The following CAMKMT variants were observed in gnomAD, a reference collection of about 807,000 sequenced individuals.
CAMKMT encodes CaM KMT.
CAMKMT carries 53 observed loss-of-function variants against 48.0 expected under a neutral mutation model. That is an observed-to-expected ratio of 1.10 (90% confidence interval 0.89 to 1.39). The LOEUF is 1.39. Ranked by LOEUF, CAMKMT falls within the 40% of genes most tolerant of loss-of-function variation. The pLI is 0.00. For synonymous variants in CAMKMT, 165 were observed against 152.3 expected (o/e 1.08, Z -0.61); for missense variants, 428 against 402.7 (o/e 1.06, Z -0.54).
intron 2 of CAMKMT, among the ~76,000 whole-genome samples, chr2:44,389,339 G>T (rs1681093394): frequency 6.6e-6 from 1 of 152,118 alleles, no homozygotes; most frequent in African/African-American, 2.4e-5. Flanking sequence ...AGGTACCAGG[G>T]TTAGGGCTTC....
At chr2:44,549,660 C>T in intron 3 of CAMKMT, 1 of 590,766 alleles carries the variant, frequency 1.7e-6, no homozygotes, top group Non-Finnish European at 3.0e-6. Context: ...CACTTCGTGG[C>T]AGAAGATTAT....
intron 3 of CAMKMT, among the ~76,000 whole-genome samples, chr2:44,624,723 C>T (rs966412847): frequency 1.3e-5 from 2 of 152,100 alleles, no homozygotes; most frequent in African/African-American, 4.8e-5. Context: ...TCCAGTCTAT[C>T]ATTGTTGGAC....
At chr2:44,755,577 T>C (rs556145966) in intron 9 of CAMKMT, among the ~76,000 whole-genome samples, 1 of 152,250 alleles carries the variant, frequency 6.6e-6, no homozygotes, top group Admixed American at 6.5e-5. Context: ...TTGTGGCAAA[T>C]ACTCCATTTT....
chr2:44,530,877 A>G (rs1666448006), intron 3 of CAMKMT, among the ~76,000 whole-genome samples: 1 of 152,096 alleles, frequency 6.6e-6, no homozygotes, highest in South Asian at 2.1e-4. Context: ...TAATATTTTT[A>G]AATCTAGAGG....
At chr2:44,623,069 T>C (rs1238297645) in intron 3 of CAMKMT, among the ~76,000 whole-genome samples, 1 of 152,226 alleles carries the variant, frequency 6.6e-6, no homozygotes, top group Non-Finnish European at 1.5e-5. Flanking sequence ...TTTGCATTTC[T>C]CTGATGATTT....
At chr2:44,579,475 A>C (rs1023335839) in intron 3 of CAMKMT, among the ~76,000 whole-genome samples, 3 of 152,232 alleles carry the variant, frequency 2.0e-5, no homozygotes, top group Admixed American at 6.5e-5. Context: ...AAGCATTTTA[A>C]TGTACATCAC....
chr2:44,417,634 C>T (rs1683649192), intron 3 of CAMKMT, among the ~76,000 whole-genome samples: 1 of 152,128 alleles, frequency 6.6e-6, no homozygotes, highest in African/African-American at 2.4e-5. Flanking sequence ...TATTACCAAA[C>T]TGTTTTCCCA....
intron 7 of CAMKMT, among the ~76,000 whole-genome samples, chr2:44,731,596 G>T (rs1468785884): frequency 6.6e-6 from 1 of 152,134 alleles, no homozygotes; most frequent in East Asian, 1.9e-4. Context: ...GCATCACAAG[G>T]TAAAAATCCT....
At chr2:44,661,855 T>C (rs1469983762) in intron 3 of CAMKMT, among the ~76,000 whole-genome samples, 2 of 152,146 alleles carry the variant, frequency 1.3e-5, no homozygotes, top group African/African-American at 2.4e-5. Context: ...GGTGGTAAAA[T>C]AGACAAGGTC....
Position 44,693,892 on chromosome 2 carries a change from G to A in CAMKMT, c.377-10391G>A, listed in dbSNP as rs536401811. 9.9e-4 allele frequency among the ~76,000 whole-genome samples: 151 copies of A among 152,292 alleles called. 1 individual carries two copies. The highest frequency in any genetic ancestry group is 1.2e-3 in the Admixed American group (19 of 15,296). ...CACTTGAGTCTCAGATTTGAGAGAG[G>A]CCTTTTTTTACTGACTCCTGTGTGA... On this transcript the variant is annotated intron_variant, in intron 3 of 10. Coordinates refer to ENST00000378494, the MANE Select transcript of CAMKMT (RefSeq NM_024766.5).
rs557527920 is a variant in CAMKMT, at chr2:44,759,022, A to C, written c.762+4904A>C. On this transcript the variant is annotated intron_variant, in intron 9 of 10. Coordinates refer to ENST00000378494, the MANE Select transcript of CAMKMT (RefSeq NM_024766.5). ...AGAAATATCACTGTGGAATTCACTT[A>C]ACCTTCTTCAGAAATTGGCCCTACC... 2.5e-4 allele frequency among the ~76,000 whole-genome samples: 38 copies of C among 152,164 alleles called. No individual in the cohort carries two copies. In the South Asian group the frequency reaches 7.7e-3, roughly 31 times the overall value.
Position 44,405,336 on chromosome 2 carries a change from G to A in CAMKMT, c.376+15031G>A, listed in dbSNP as rs956354668. Among the ~76,000 whole-genome samples the A allele has an allele frequency of 5.3e-5, 8 of 152,150 alleles. No individual in the cohort carries two copies. In the South Asian group the frequency reaches 8.3e-4, roughly 16 times the overall value. ...TAATGGAATTGTTGGATAAATTATA[G>A]TGTGTCCATACAATATTATATAGCA... On this transcript the variant is annotated intron_variant, in intron 3 of 10. Coordinates refer to ENST00000378494, the MANE Select transcript of CAMKMT (RefSeq NM_024766.5).
Position 44,438,333 on chromosome 2 carries a change from GT to G in CAMKMT, c.376+48030del, listed in dbSNP as rs1054830713. 6.6e-4 allele frequency among the ~76,000 whole-genome samples: 101 copies of G among 152,100 alleles called. 1 individual carries two copies. The highest frequency in any genetic ancestry group is 2.4e-3 in the African/African-American group (99 of 41,436). On this transcript the variant is annotated intron_variant, in intron 3 of 10. Coordinates refer to ENST00000378494, the MANE Select transcript of CAMKMT (RefSeq NM_024766.5). Reference sequence around the variant, plus strand: ...ATTATTCATTACATTAAATTGATAAGTTAAGTTTGAATATAATTGGTTTTGA... The same window carrying G: ...ATTATTCATTACATTAAATTGATAAGTAAGTTTGAATATAATTGGTTTTGA...
intron 3 of CAMKMT, among the ~76,000 whole-genome samples, chr2:44,665,030 AT>A (rs1404861018): frequency 6.6e-6 from 1 of 152,148 alleles, no homozygotes; most frequent in African/African-American, 2.4e-5. Context: ...AACATTGTCA[AT>A]TTTAAAAAAA....
intron 7 of CAMKMT, among the ~76,000 whole-genome samples, chr2:44,719,924 A>G (rs748220094): frequency 1.3e-5 from 2 of 152,236 alleles, no homozygotes; most frequent in Non-Finnish European, 2.9e-5. Context: ...TTTTGCTAGA[A>G]TTATAGTAAC....
chr2:44,401,851 A>G (rs889657287), intron 3 of CAMKMT, among the ~76,000 whole-genome samples: 1 of 152,160 alleles, frequency 6.6e-6, no homozygotes, highest in Non-Finnish European at 1.5e-5. Flanking sequence ...GCATCTTGAC[A>G]TCTTCCCTCA....
At chr2:44,603,322 C>G (rs1042438901) in intron 3 of CAMKMT, among the ~76,000 whole-genome samples, 1 of 152,118 alleles carries the variant, frequency 6.6e-6, no homozygotes, top group Admixed American at 6.5e-5. Flanking sequence ...AACTCCTGGC[C>G]TCAAGTGATC....
At chr2:44,372,582 GAT>G (rs2104358311) in intron 1 of CAMKMT, 132 bp from the exon 2 acceptor site, 1 of 645,578 alleles carries the variant, frequency 1.5e-6, no homozygotes, top group Admixed American at 3.2e-5. Flanking sequence ...TTCAGTAGGA[GAT>G]ATATCTGAAT....
At chr2:44,523,147 G>A (rs932225665) in intron 3 of CAMKMT, among the ~76,000 whole-genome samples, 8 of 151,956 alleles carry the variant, frequency 5.3e-5, no homozygotes, top group African/African-American at 1.2e-4. Context: ...TAAAAAAAAA[G>A]CCTACCAATA....
Sources: gnomAD v4.1 joint callset for allele counts (sites outside exome capture counted in the v4.1 genomes callset) on GRCh38, gnomAD v4.1.1 for gene constraint, MANE v1.5 for transcripts, NCBI Gene and HGNC (gene_info 2026-07-23, HGNC 2026-07-21) for gene names.